The following ADGRL3 variants were observed in gnomAD, a reference collection of about 807,000 sequenced individuals.
ADGRL3 encodes calcium-independent alpha-latrotoxin receptor 3.
Under a neutral mutation model 153.5 loss-of-function variants are expected in ADGRL3, and 62 were observed. The ratio of observed to expected loss-of-function variants is 0.40; its 90% CI spans 0.33 to 0.50. The LOEUF (loss-of-function observed/expected upper bound fraction) is 0.50. ADGRL3 is among the 20% of genes least tolerant of loss of function. The pLI is 0.47. For synonymous variants in ADGRL3, 710 were observed against 672.5 expected (o/e 1.06, Z -0.86); for missense variants, 1,641 against 1,859.4 (o/e 0.88, Z 2.16).
At position 61,346,625 on chromosome 4, in the gene ADGRL3, A is replaced by C. The variant is rs79050453; in HGVS notation, c.-239-36499A>C. On this transcript the variant is annotated intron_variant, in intron 1 of 26. Coordinates refer to ENST00000683033, the MANE Select transcript of ADGRL3 (RefSeq NM_001387552.1). ...CAAAAGAAAAATAGAAAAAAAAAAA[A>C]ATAGCCAGACATGGTGGCTCATGAC... Among the ~76,000 whole-genome samples, 21 of 151,450 alleles carry C rather than the reference A, an allele frequency of 1.4e-4. No homozygotes were observed. In the South Asian group the frequency reaches 4.4e-3, roughly 32 times the overall value.
intron 2 of ADGRL3, among the ~76,000 whole-genome samples, chr4:61,473,212 TG>T (rs2097989880): frequency 1.9e-3 from 1 of 524 alleles, no homozygotes; most frequent in African/African-American, 0.011. Flanking sequence ...TATGTGTTTG[TG>T]TGTGTGTGTG....
At chr4:61,464,890 A>G (rs189490795) in intron 2 of ADGRL3, among the ~76,000 whole-genome samples, 1 of 152,288 alleles carries the variant, frequency 6.6e-6, no homozygotes, top group African/African-American at 2.4e-5. Context: ...TGCTTCTGGC[A>G]ATTCAACAGG....
intron 5 of ADGRL3, among the ~76,000 whole-genome samples, chr4:61,649,758 CA>C (rs1225190021): frequency 8.5e-5 from 13 of 152,130 alleles, no homozygotes; most frequent in Admixed American, 7.9e-4. Context: ...AACTAGTCAG[CA>C]TAATAAGAAC....
At chr4:61,906,428 A>G (rs891183545) in intron 11 of ADGRL3, 2 of 152,172 alleles carry the variant, frequency 1.3e-5, no homozygotes, top group African/African-American at 4.8e-5. Flanking sequence ...TTAATTTAAA[A>G]AAATTCCAGG....
intron 25 of ADGRL3, among the ~76,000 whole-genome samples, chr4:62,044,962 T>G (rs1730341643): frequency 6.6e-6 from 1 of 152,044 alleles, no homozygotes; most frequent in Non-Finnish European, 1.5e-5. Flanking sequence ...AATACATACT[T>G]AAGGCAACCT....
At chr4:61,565,315 T>G (rs1340570537) in intron 4 of ADGRL3, among the ~76,000 whole-genome samples, 3 of 152,172 alleles carry the variant, frequency 2.0e-5, no homozygotes, top group African/African-American at 7.2e-5. Flanking sequence ...TTCTTGAAAA[T>G]GTATATATTA....
chr4:62,076,028 T>C lies in ADGRL3; in HGVS notation c.*5120T>C, dbSNP rs1747019715. Reference sequence around the variant, plus strand: ...CTTTCACCTGTACACATACACACTCTGATTCCATTTATTTACAGCCTGCAG... The same window carrying C: ...CTTTCACCTGTACACATACACACTCCGATTCCATTTATTTACAGCCTGCAG... On this transcript the variant is annotated 3_prime_UTR_variant, in exon 27 of 27. Transcript: ENST00000683033. 6.6e-6 allele frequency: 1 copy of C among 152,148 alleles called. No homozygotes were observed. The highest frequency in any genetic ancestry group is 1.5e-5 in the Non-Finnish European group (1 of 67,988). 9.4% of individuals were successfully genotyped at this position (152,148 alleles called of 1,614,324 possible). A position where few individuals can be genotyped will look rare whatever the true frequency, so the allele number is the denominator to read the frequency against.
intron 17 of ADGRL3, among the ~76,000 whole-genome samples, chr4:61,969,887 T>C (rs2099020627): frequency 6.6e-6 from 1 of 152,190 alleles, no homozygotes; most frequent in South Asian, 2.1e-4. Flanking sequence ...CTCCATTTTC[T>C]ACGTGGTCCT....
chr4:61,300,764 CTTTCT>C (rs2094555150), intron 1 of ADGRL3, among the ~76,000 whole-genome samples: 4 of 111,488 alleles, frequency 3.6e-5, no homozygotes, highest in Non-Finnish European at 3.7e-5. Flanking sequence ...TCTTTTCTTT[CTTTCT>C]TTTTTTTTTT....
chr4:62,058,852 A>G (rs1738500346), intron 25 of ADGRL3, among the ~76,000 whole-genome samples: 3 of 152,214 alleles, frequency 2.0e-5, no homozygotes, highest in Non-Finnish European at 2.9e-5. Flanking sequence ...CAGTATTAGA[A>G]TTAAAAGTGA....
chr4:62,034,395 A>G (rs1033991409), intron 23 of ADGRL3, among the ~76,000 whole-genome samples: 6 of 151,902 alleles, frequency 3.9e-5, no homozygotes, highest in African/African-American at 7.2e-5. Flanking sequence ...ATGATTTACA[A>G]TAACAAGTAA....
In ADGRL3 at chr4:61,429,316, A is replaced by G. The variant is rs2097326759; in HGVS notation, c.-174+46127A>G. Among the ~76,000 whole-genome samples the G allele has an allele frequency of 1.3e-5, 2 of 152,296 alleles. 1 individual carries two copies. The highest frequency in any genetic ancestry group is 6.8e-3 in the Middle Eastern group (2 of 294). ...ACAACCCTTGAGTTGTTTTCATTGC[A>G]CCATGTTGCCTACCTAGAAAAGAAA... is the stretch of plus-strand genomic sequence containing the variant. On this transcript the variant is annotated intron_variant, in intron 2 of 26. Transcript: ENST00000683033.
chr4:61,848,130 CT>C (rs2098159707), intron 9 of ADGRL3, among the ~76,000 whole-genome samples: 1 of 116,652 alleles, frequency 8.6e-6, no homozygotes, highest in Non-Finnish European at 1.6e-5. Flanking sequence ...GAGGAGCAGA[CT>C]TTTAAAATCA....
At chr4:62,016,359 T>A (rs2099211794) in intron 21 of ADGRL3, among the ~76,000 whole-genome samples, 2 of 152,108 alleles carry the variant, frequency 1.3e-5, no homozygotes, top group South Asian at 2.1e-4. Context: ...TTATTTTCTA[T>A]TCTATATTTT....
chr4:61,407,591 A>G (rs1486337882), intron 2 of ADGRL3, among the ~76,000 whole-genome samples: 2 of 152,158 alleles, frequency 1.3e-5, no homozygotes, highest in Non-Finnish European at 2.9e-5. Flanking sequence ...TTTAACTTGC[A>G]TCGTTTTACC....
chr4:61,487,194 G>C (rs2152762315), intron 2 of ADGRL3, among the ~76,000 whole-genome samples: 1 of 152,222 alleles, frequency 6.6e-6, no homozygotes, highest in Non-Finnish European at 1.5e-5. Flanking sequence ...AGAATCTAAT[G>C]ACTGAAAACA....
intron 2 of ADGRL3, among the ~76,000 whole-genome samples, chr4:61,486,536 T>G (rs1288955943): frequency 6.6e-6 from 1 of 152,152 alleles, no homozygotes; most frequent in Non-Finnish European, 1.5e-5. Context: ...CGAGGATACG[T>G]TGACCTATCA....
At chr4:61,346,819 A>G (rs1280638259) in intron 1 of ADGRL3, among the ~76,000 whole-genome samples, 1 of 151,468 alleles carries the variant, frequency 6.6e-6, no homozygotes, top group Middle Eastern at 3.4e-3. Context: ...GTGAATCTAC[A>G]TTGTGTTAAT....
rs536197713 is a variant in ADGRL3 at position 61,958,027 on chromosome 4, C to T, written c.2805+9751C>T. On this transcript the variant is annotated intron_variant, in intron 17 of 26. Transcript: ENST00000683033. Reference sequence around the variant, plus strand: ...GCAAATTTAGAGATTTGGAGCTGTGCTTGTCACATAATGAGTATTCAGTAA... The same window carrying T: ...GCAAATTTAGAGATTTGGAGCTGTGTTTGTCACATAATGAGTATTCAGTAA... Among the ~76,000 whole-genome samples, 27 of 152,242 alleles carry T rather than the reference C, an allele frequency of 1.8e-4. No individual in the cohort carries two copies. In the East Asian group the frequency reaches 5.0e-3, roughly 28 times the overall value.
Sources: gnomAD v4.1 joint callset for allele counts (sites outside exome capture counted in the v4.1 genomes callset) on GRCh38, gnomAD v4.1.1 for gene constraint, MANE v1.5 for transcripts, NCBI Gene and HGNC (gene_info 2026-07-23, HGNC 2026-07-21) for gene names.